The following PDLIM5 variants were observed in gnomAD, a reference collection of about 807,000 sequenced individuals.
PDLIM5 encodes the protein PDZ and LIM domain 5.
A neutral mutation model predicts 64.2 loss-of-function variants in PDLIM5; 34 were observed. That is an observed-to-expected ratio of 0.53 (90% CI 0.40 to 0.71). The LOEUF is 0.71. Among genes scored for constraint, PDLIM5 ranks in the 30% least tolerant of loss-of-function variants. The pLI, the probability that PDLIM5 is intolerant of heterozygous loss-of-function variation, is 0.00. For missense variants in PDLIM5, 683 were observed against 733.6 expected (o/e 0.93, Z 0.80); for synonymous variants, 253 against 269.1 (o/e 0.94, Z 0.59).
chr4:94,614,638 T>C (rs1314257471), intron 7 of PDLIM5, among the ~76,000 whole-genome samples: 1 of 152,212 alleles, frequency 6.6e-6, no homozygotes, highest in African/African-American at 2.4e-5. Context: ...ATGGAAAAAC[T>C]GCCTTGGTAA....
At chr4:94,586,928 C>A in intron 7 of PDLIM5, 1 of 1,376,518 alleles carries the variant, frequency 7.3e-7, no homozygotes, top group South Asian at 1.4e-5. Context: ...AACCTTTTTC[C>A]TTCTATTTCT....
chr4:94,459,764 C>T (rs1163271073), intron 2 of PDLIM5, among the ~76,000 whole-genome samples: 2 of 152,122 alleles, frequency 1.3e-5, no homozygotes, highest in African/African-American at 2.4e-5. Context: ...GGGTTGGTTT[C>T]CTTTAGGAGA....
chr4:94,531,828 G>T (rs1730897252), intron 3 of PDLIM5, among the ~76,000 whole-genome samples: 1 of 151,932 alleles, frequency 6.6e-6, no homozygotes, highest in South Asian at 2.1e-4. Flanking sequence ...CTGTTAAAAA[G>T]TACTTTTCAT....
chr4:94,661,669 C>A (rs1742729314), intron 11 of PDLIM5, among the ~76,000 whole-genome samples: 1 of 152,096 alleles, frequency 6.6e-6, no homozygotes, highest in African/African-American at 2.4e-5. Context: ...TTTCTTTTTT[C>A]TTCCTTGACC....
chr4:94,610,418 T>C, intron 7 of PDLIM5: 1 of 502,458 alleles, frequency 2.0e-6, no homozygotes, highest in South Asian at 4.8e-5. Context: ...TATTGTGAGC[T>C]CTTAATTGTG....
chr4:94,479,450 C>T (rs1245821353), intron 2 of PDLIM5, among the ~76,000 whole-genome samples: 3 of 151,194 alleles, frequency 2.0e-5, no homozygotes, highest in African/African-American at 4.9e-5. Context: ...ACTTCAGCCT[C>T]TCAAGTAGTT....
chr4:94,599,866 TC>T (rs1016689215), intron 7 of PDLIM5, among the ~76,000 whole-genome samples: 2 of 152,144 alleles, frequency 1.3e-5, no homozygotes, highest in Admixed American at 6.6e-5. Flanking sequence ...TTGCTCCATC[TC>T]CAGGTTTATA....
chr4:94,563,425 C>G (rs1156463947), intron 3 of PDLIM5, among the ~76,000 whole-genome samples: 2 of 152,122 alleles, frequency 1.3e-5, no homozygotes, highest in Admixed American at 1.3e-4. Flanking sequence ...TCTAAACTCA[C>G]CCAAAGTTAT....
intron 3 of PDLIM5, among the ~76,000 whole-genome samples, chr4:94,561,569 T>C (rs1189520590): frequency 2.6e-5 from 4 of 152,370 alleles, no homozygotes; most frequent in Non-Finnish European, 5.9e-5. Flanking sequence ...CTGGTTGTTA[T>C]CCTTTGCAAG....
At chr4:94,655,940 C>A (rs938855203) in intron 10 of PDLIM5, among the ~76,000 whole-genome samples, 5 of 152,182 alleles carry the variant, frequency 3.3e-5, no homozygotes, top group African/African-American at 1.2e-4. Context: ...ACATCTTCTA[C>A]AAATGTTCAT....
chr4:94,608,657 C>G (rs1345136830), intron 7 of PDLIM5, among the ~76,000 whole-genome samples: 1 of 152,052 alleles, frequency 6.6e-6, no homozygotes, highest in Non-Finnish European at 1.5e-5. Context: ...TCCTTTTCTT[C>G]CTGGAGAAGA....
At chr4:94,503,690 A>G (rs531318468) in intron 2 of PDLIM5, among the ~76,000 whole-genome samples, 19 of 152,304 alleles carry the variant, frequency 1.2e-4, no homozygotes, top group African/African-American at 4.6e-4. Flanking sequence ...CATCTGATTT[A>G]TTTTCCAACG....
intron 2 of PDLIM5, among the ~76,000 whole-genome samples, chr4:94,471,747 T>C (rs1302672399): frequency 6.6e-6 from 1 of 152,134 alleles, no homozygotes; most frequent in Non-Finnish European, 1.5e-5. Flanking sequence ...CATCATAGGA[T>C]TGTTGAGAAA....
chr4:94,490,278 A>G (rs911877877), intron 2 of PDLIM5, among the ~76,000 whole-genome samples: 3 of 152,062 alleles, frequency 2.0e-5, no homozygotes, highest in African/African-American at 7.2e-5. Flanking sequence ...TTGTTTCTGT[A>G]TAAAATAATA....
chr4:94,525,606 T>C (rs1288831364), intron 3 of PDLIM5, among the ~76,000 whole-genome samples: 3 of 152,234 alleles, frequency 2.0e-5, no homozygotes, highest in Non-Finnish European at 4.4e-5. Flanking sequence ...AGGATTTCTA[T>C]AGGATAAATT....
At chr4:94,582,260 T>C (rs1735794189) in intron 5 of PDLIM5, among the ~76,000 whole-genome samples, 1 of 152,212 alleles carries the variant, frequency 6.6e-6, no homozygotes. Flanking sequence ...TAAGTGATTC[T>C]AAAATGATCT....
chr4:94,624,791 C>T (rs1405181664), intron 8 of PDLIM5, among the ~76,000 whole-genome samples: 1 of 151,960 alleles, frequency 6.6e-6, no homozygotes, highest in African/African-American at 2.4e-5. Context: ...GTCTAGTGGC[C>T]CAGAGAGAAG....
At chr4:94,584,118 A>G (rs535942756) in intron 5 of PDLIM5, among the ~76,000 whole-genome samples, 1 of 152,346 alleles carries the variant, frequency 6.6e-6, no homozygotes. Flanking sequence ...GGATAGCACT[A>G]TGATTTTCTC....
intron 3 of PDLIM5, among the ~76,000 whole-genome samples, chr4:94,552,691 A>T (rs994925606): frequency 2.0e-5 from 3 of 152,182 alleles, no homozygotes; most frequent in Non-Finnish European, 4.4e-5. Flanking sequence ...CCCAAATATG[A>T]CATTTTTCAT....
Sources: gnomAD v4.1 joint callset for allele counts (sites outside exome capture counted in the v4.1 genomes callset) on GRCh38, gnomAD v4.1.1 for gene constraint, MANE v1.5 for transcripts, NCBI Gene and HGNC (gene_info 2026-07-23, HGNC 2026-07-21) for gene names.